DOK6: variants seen among roughly 807,000 people sequenced by gnomAD.
DOK6 encodes the protein docking protein 6, also known as downstream of tyrosine kinase 6.
Under a neutral mutation model 44.0 loss-of-function variants are expected in DOK6, and 22 were observed. That is an observed-to-expected ratio of 0.50 (90% CI 0.36 to 0.71). DOK6 has a LOEUF of 0.71. Among genes scored for constraint, DOK6 ranks in the 30% least tolerant of loss-of-function variants. DOK6 has a pLI of 0.00. For missense variants in DOK6, 340 were observed against 416.4 expected, an observed-to-expected ratio of 0.82 and a Z score of 1.60; for synonymous variants, 166 against 145.5, an observed-to-expected ratio of 1.14 and a Z score of -1.01.
In DOK6 at chr18:69,841,274, G is replaced by A. The variant is rs558527260; in HGVS notation, c.887G>A (p.Arg296His). The A allele has an allele frequency of 2.0e-5, 32 of 1,614,086 alleles. No homozygotes were observed. Among genetic ancestry groups the A allele is most frequent in the Admixed American group, 1.0e-4 (6 of 60,008 alleles). The part of the protein sequence containing the change: ...GHGFGSSKMS[R>H]AQTFPSYAPE... Reference sequence around the variant, plus strand: ...GGGTTTGGTTCGTCAAAGATGTCTCGTGCACAGACATTTCCCAGCTACGCC... The same window carrying A: ...GGGTTTGGTTCGTCAAAGATGTCTCATGCACAGACATTTCCCAGCTACGCC... The change falls in exon 8 of 8, where the codon CGT becomes CAT. Residue 296 changes from arginine (R) to histidine (H), a missense_variant. Physicochemically the swap from Arg to His is conservative, Grantham distance 29 (BLOSUM62 0). Coordinates refer to ENST00000382713, the MANE Select transcript of DOK6 (RefSeq NM_152721.6).
chr18:69,580,166 T>C (rs1203680447), intron 2 of DOK6, among the ~76,000 whole-genome samples: 1 of 152,092 alleles, frequency 6.6e-6, no homozygotes, highest in African/African-American at 2.4e-5. Context: ...TTTCAGGGTT[T>C]CAGAAGGCAG....
chr18:69,559,307 T>G (rs868135053), intron 1 of DOK6, among the ~76,000 whole-genome samples: 2 of 152,202 alleles, frequency 1.3e-5, no homozygotes, highest in Middle Eastern at 3.4e-3. Flanking sequence ...TATTGTAAGG[T>G]TTCATTTAAC....
chr18:69,740,826 G>A (rs9953196), intron 6 of DOK6, among the ~76,000 whole-genome samples: 2,028 of 152,316 alleles, frequency 0.013, 29 homozygotes, highest in African/African-American at 0.039. Context: ...CGGTGATGTC[G>A]GAGTGACATT....
At chr18:69,562,947 T>A (rs1169306555) in intron 1 of DOK6, among the ~76,000 whole-genome samples, 1 of 151,956 alleles carries the variant, frequency 6.6e-6, no homozygotes, top group Non-Finnish European at 1.5e-5. Context: ...CTCCAACAAA[T>A]TTGCAAGAAA....
intron 1 of DOK6, among the ~76,000 whole-genome samples, chr18:69,491,465 G>T (rs1189469592): frequency 1.3e-5 from 2 of 152,112 alleles, no homozygotes; most frequent in East Asian, 3.8e-4. Flanking sequence ...TCCTTCTAGC[G>T]AACATAGTTC....
At chr18:69,687,168 T>TA (rs1211070315) in intron 4 of DOK6, among the ~76,000 whole-genome samples, 1 of 152,144 alleles carries the variant, frequency 6.6e-6, no homozygotes, top group Non-Finnish European at 1.5e-5. Flanking sequence ...AAATTACTTT[T>TA]AAAATATTAA....
At chr18:69,712,170 A>T (rs2144716070) in intron 5 of DOK6, among the ~76,000 whole-genome samples, 1 of 147,778 alleles carries the variant, frequency 6.8e-6, no homozygotes, top group Non-Finnish European at 1.5e-5. Flanking sequence ...AGTCCCAGCT[A>T]CTTGGGAGGC....
chr18:69,738,728 G>T (rs928810640), intron 5 of DOK6, among the ~76,000 whole-genome samples: 9 of 152,118 alleles, frequency 5.9e-5, no homozygotes, highest in African/African-American at 2.2e-4. Flanking sequence ...TTACACTGTT[G>T]TGAATGCTTC....
intron 2 of DOK6, among the ~76,000 whole-genome samples, chr18:69,588,755 GGA>G (rs1286379338): frequency 3.3e-5 from 5 of 151,990 alleles, no homozygotes; most frequent in Non-Finnish European, 7.4e-5. Flanking sequence ...GACAGCCAAT[GGA>G]GAGAGTATTA....
intron 1 of DOK6, among the ~76,000 whole-genome samples, chr18:69,524,988 A>AAC (rs398120627): frequency 6.6e-6 from 1 of 151,618 alleles, no homozygotes; most frequent in Non-Finnish European, 1.5e-5. Context: ...CAGTAAAAAA[A>AAC]CATTAATTTT....
intron 5 of DOK6, among the ~76,000 whole-genome samples, chr18:69,715,992 A>C (rs940163754): frequency 6.6e-6 from 1 of 152,240 alleles, no homozygotes; most frequent in Non-Finnish European, 1.5e-5. Flanking sequence ...ACCATTCGTT[A>C]TTCTGCTAGA....
chr18:69,513,410 C>A (rs1981430210), intron 1 of DOK6, among the ~76,000 whole-genome samples: 1 of 152,172 alleles, frequency 6.6e-6, no homozygotes, highest in Non-Finnish European at 1.5e-5. Flanking sequence ...TCTCAGAGTA[C>A]AATCTACCCT....
At chr18:69,483,109 G>T (rs115063587) in intron 1 of DOK6, among the ~76,000 whole-genome samples, 1 of 151,706 alleles carries the variant, frequency 6.6e-6, no homozygotes, top group African/African-American at 2.4e-5. Flanking sequence ...TCATCATTTA[G>T]CTCCCACTTA....
At chr18:69,617,217 G>T (rs1472432257) in intron 3 of DOK6, among the ~76,000 whole-genome samples, 1 of 152,120 alleles carries the variant, frequency 6.6e-6, no homozygotes, top group African/African-American at 2.4e-5. Context: ...CACTTTAGGA[G>T]GTCAAGGTGG....
chr18:69,755,474 A>G lies in DOK6; in HGVS notation c.739-2282A>G, dbSNP rs184641739. 2.4e-3 allele frequency among the ~76,000 whole-genome samples: 361 copies of G among 152,374 alleles called. 2 individuals carry two copies. Among genetic ancestry groups the G allele is most frequent in the Middle Eastern group, 0.014 (4 of 294 alleles). On this transcript the variant is annotated intron_variant, in intron 6 of 7. Transcript: ENST00000382713. ...TAGGCAGAACGGTGATTAATATGAG[A>G]CTGAATCTATGGATTGTTGTTATTA...
At position 69,548,907 on chromosome 18, in the gene DOK6, C is replaced by T. The variant is rs773065213; in HGVS notation, c.67-15580C>T. 2.9e-4 allele frequency among the ~76,000 whole-genome samples: 44 copies of T among 151,194 alleles called. 1 individual carries two copies. Among genetic ancestry groups the T allele is most frequent in the Non-Finnish European group, 5.8e-4 (39 of 67,586 alleles). ...AGGAGATCAAGACCATCCTGGCTAA[C>T]ATGGTGAAACCCCGTCTCTACTAAA... is the stretch of plus-strand genomic sequence containing the variant. On this transcript the variant is annotated intron_variant, in intron 1 of 7. Transcript: ENST00000382713.
At chr18:69,709,618 A>G (rs7234606) in intron 5 of DOK6, among the ~76,000 whole-genome samples, 7,075 of 152,256 alleles carry the variant, frequency 0.046, 174 homozygotes, top group African/African-American at 0.058. Context: ...CACATATCAT[A>G]TTATATGTAC....
chr18:69,478,244 G>A (rs1221472404), intron 1 of DOK6, among the ~76,000 whole-genome samples: 3 of 152,108 alleles, frequency 2.0e-5, no homozygotes, highest in Non-Finnish European at 4.4e-5. Context: ...TTAAAAATCA[G>A]ATTAGCAGTC....
chr18:69,405,154 C>G (rs1242417830), intron 1 of DOK6, among the ~76,000 whole-genome samples: 1 of 152,120 alleles, frequency 6.6e-6, no homozygotes, highest in Non-Finnish European at 1.5e-5. Context: ...TGCCCTTTCT[C>G]CCTTCTTGAT....
Sources: gnomAD v4.1 joint callset for allele counts (sites outside exome capture counted in the v4.1 genomes callset) on GRCh38, gnomAD v4.1.1 for gene constraint, MANE v1.5 for transcripts, NCBI Gene and HGNC (gene_info 2026-07-23, HGNC 2026-07-21) for gene names.